KCNAB2: variants seen among roughly 807,000 people sequenced by gnomAD.
KCNAB2 encodes potassium voltage-gated channel subfamily A regulatory beta subunit 2, also known as voltage-gated potassium channel subunit beta-2.
In KCNAB2, 29 loss-of-function variants were observed where a neutral mutation model predicts 63.6. That is an observed-to-expected ratio of 0.46 (90% CI 0.34 to 0.62). The LOEUF (loss-of-function observed/expected upper bound fraction) is 0.62, where lower values mean the gene tolerates loss of function less well. Ranked by LOEUF, KCNAB2 falls within the 20% of genes least tolerant of loss-of-function variation. The probability of loss-of-function intolerance (pLI) is 0.01; values close to 1 mark genes in which losing one functional copy is unlikely to be tolerated. For missense variants in KCNAB2, 359 were observed against 563.9 expected, an observed-to-expected ratio of 0.64 and a Z score of 3.68; for synonymous variants, 222 against 224.2, an observed-to-expected ratio of 0.99 and a Z score of 0.09.
chr1:6,004,985 G>GT (rs1185981008), intron 1 of KCNAB2, among the ~76,000 whole-genome samples: 20 of 117,770 alleles, frequency 1.7e-4, no homozygotes, highest in African/African-American at 5.1e-4. Context: ...TGAGGGTGCA[G>GT]GCAGAGATCT....
At chr1:6,068,267 G>A (rs536736019) in intron 2 of KCNAB2, among the ~76,000 whole-genome samples, 1 of 152,376 alleles carries the variant, frequency 6.6e-6, no homozygotes, top group Non-Finnish European at 1.5e-5. Context: ...GCCCATGTGT[G>A]TGCTTATGTG....
intron 1 of KCNAB2, among the ~76,000 whole-genome samples, chr1:6,001,418 C>T (rs988247690): frequency 1.4e-4 from 21 of 152,176 alleles, no homozygotes; most frequent in African/African-American, 4.6e-4. Flanking sequence ...TCTGGCTAAG[C>T]CTCCGGGGGT....
chr1:6,017,492 A>G (rs1570869310), intron 1 of KCNAB2, among the ~76,000 whole-genome samples: 1 of 151,960 alleles, frequency 6.6e-6, no homozygotes, highest in East Asian at 1.9e-4. Flanking sequence ...CTAGAATTCC[A>G]GGGCTCAAGA....
At chr1:6,015,953 C>T (rs193185195) in intron 1 of KCNAB2, among the ~76,000 whole-genome samples, 4 of 152,272 alleles carry the variant, frequency 2.6e-5, no homozygotes, top group Admixed American at 2.6e-4. Context: ...CTGCCCACCT[C>T]GGCCTCCCAA....
intron 2 of KCNAB2, among the ~76,000 whole-genome samples, chr1:6,056,909 C>CA (rs1661877414): frequency 6.6e-6 from 1 of 151,892 alleles, no homozygotes; most frequent in Non-Finnish European, 1.5e-5. Flanking sequence ...TCATCAGAAG[C>CA]CCCTCTCCTG....
upstream of KCNAB2, among the ~76,000 whole-genome samples, chr1:6,033,276 TGC>T: frequency 6.7e-6 from 1 of 149,374 alleles, no homozygotes; most frequent in Non-Finnish European, 1.5e-5. Context: ...TGTGTGCATG[TGC>T]GTGTGTGGGC....
At chr1:6,068,099 T>A (rs546882078) in intron 2 of KCNAB2, among the ~76,000 whole-genome samples, 91 of 152,352 alleles carry the variant, frequency 6.0e-4, no homozygotes, top group African/African-American at 1.7e-3. Context: ...ACCTATTGCC[T>A]TCTGCAACTT....
rs755965564 is a variant in KCNAB2 at position 6,085,198 on chromosome 1, T to C, written c.381-6T>C. ...TGTGATGAGAGCTCGGTGTCTTGTTTTGCAGGGCTGAAGTGGTACTGGGAA... is the reference window on the plus strand; with the variant it reads ...TGTGATGAGAGCTCGGTGTCTTGTTCTGCAGGGCTGAAGTGGTACTGGGAA... On this transcript the variant is annotated splice_region_variant and splice_polypyrimidine_tract_variant and intron_variant, in intron 5 of 15. Transcript: ENST00000378083. The C allele has an allele frequency of 6.2e-7, 1 of 1,614,096 alleles. No individual in the cohort carries two copies. The highest frequency in any genetic ancestry group is 8.5e-7 in the Non-Finnish European group (1 of 1,179,948).
chr1:6,091,200 C>T, intron 9 of KCNAB2, 63 bp from the exon 10 acceptor site: 2 of 1,250,316 alleles, frequency 1.6e-6, no homozygotes, highest in Non-Finnish European at 2.3e-6. Context: ...CTTCGTCGTG[C>T]CACGCCTCTC....
intron 4 of KCNAB2, among the ~76,000 whole-genome samples, chr1:6,079,480 C>T (rs1232226592): frequency 1.3e-5 from 2 of 151,846 alleles, no homozygotes; most frequent in South Asian, 2.1e-4. Flanking sequence ...GATTGTGCCA[C>T]TGCACTCCCG....
At chr1:6,030,910 ATGTT>A (rs1247477800), upstream of KCNAB2, among the ~76,000 whole-genome samples, 1 of 140,798 alleles carries the variant, frequency 7.1e-6, no homozygotes, top group Non-Finnish European at 1.5e-5. Context: ...GTGAATAGGT[ATGTT>A]TGTATGTGTA....
chr1:6,066,135 C>T (rs1227257296), intron 2 of KCNAB2, among the ~76,000 whole-genome samples: 5 of 152,198 alleles, frequency 3.3e-5, no homozygotes, highest in African/African-American at 7.2e-5. Flanking sequence ...CTGGGCCGAC[C>T]GGCGGCCAGC....
chr1:6,045,800 G>A (rs938292347), upstream of KCNAB2: 12 of 627,098 alleles, frequency 1.9e-5, no homozygotes, highest in Middle Eastern at 8.1e-4. This position sits in a 1 kb window ranked among gnomAD's most constrained non-coding sequence, Gnocchi z 4.8. Flanking sequence ...TCTGGCACGC[G>A]GGGATGGTGG....
intron 1 of KCNAB2, among the ~76,000 whole-genome samples, chr1:6,010,586 CT>C (rs1428748312): frequency 3.9e-5 from 6 of 152,368 alleles, no homozygotes; most frequent in South Asian, 4.1e-4. Flanking sequence ...GAGAGTGCCC[CT>C]GGCCCCTCCC....
chr1:6,040,255 G>A (rs1660386538), intron 1 of KCNAB2, among the ~76,000 whole-genome samples: 1 of 152,176 alleles, frequency 6.6e-6, no homozygotes, highest in Non-Finnish European at 1.5e-5. Flanking sequence ...GACATATAAG[G>A]TGGGAGTGTG....
At chr1:5,995,128 C>A (rs1414915240) in intron 1 of KCNAB2, among the ~76,000 whole-genome samples, 1 of 152,142 alleles carries the variant, frequency 6.6e-6, no homozygotes, top group African/African-American at 2.4e-5. Flanking sequence ...CCTGGCGTCC[C>A]TGAATAAGGA....
At chr1:6,077,648 C>G (rs1663783589) in intron 4 of KCNAB2, among the ~76,000 whole-genome samples, 1 of 152,178 alleles carries the variant, frequency 6.6e-6, no homozygotes. Context: ...CCACCGTGCT[C>G]CGGAGCGGAG....
rs553230208 is a variant in KCNAB2, at chr1:6,069,634, T to A, written c.219-3121T>A. Among the ~76,000 whole-genome samples, 10 of 151,978 alleles carry A rather than the reference T, an allele frequency of 6.6e-5. No homozygotes were observed. The highest frequency in any genetic ancestry group is 1.3e-4 in the Non-Finnish European group (9 of 67,988). On this transcript the variant is annotated intron_variant, in intron 2 of 15. Coordinates refer to ENST00000378083, the MANE Select transcript of KCNAB2 (RefSeq NM_001199862.2). This position sits in a 1 kb window ranked among gnomAD's most constrained non-coding sequence, Gnocchi z 5.4. ...GAAAATGATCTCTGTGTCTGGGAAG[T>A]TTCAAGTACAGCAGGGAGCAGCCCC...
At chr1:6,033,086 G>A (rs1659748523), upstream of KCNAB2, among the ~76,000 whole-genome samples, 1 of 152,218 alleles carries the variant, frequency 6.6e-6, no homozygotes, top group Non-Finnish European at 1.5e-5. Context: ...GTACAATGCT[G>A]GTGCTGTGGT....
Sources: gnomAD v4.1 joint callset for allele counts (sites outside exome capture counted in the v4.1 genomes callset) on GRCh38, gnomAD v4.1.1 for gene constraint, Gnocchi (gnomAD v3.1) non-coding constraint, MANE v1.5 for transcripts, NCBI Gene and HGNC (gene_info 2026-07-23, HGNC 2026-07-21) for gene names.